The following PYGB variants were observed in gnomAD, a reference collection of about 807,000 sequenced individuals.
PYGB encodes the protein glycogen phosphorylase, brain form.
PYGB carries 82 observed loss-of-function variants against 94.3 expected under a neutral mutation model. The observed-to-expected ratio is 0.87, with a 90% CI of 0.73 to 1.04. The LOEUF is 1.04. PYGB is among the 50% of genes least tolerant of loss of function. The pLI, the probability that PYGB is intolerant of heterozygous loss-of-function variation, is 0.00. For synonymous variants in PYGB, 488 were observed against 479.1 expected (o/e 1.02, Z -0.24); for missense variants, 1,132 against 1,158.2 (o/e 0.98, Z 0.33).
chr20:25,269,816 CTG>C (rs1448518866), intron 3 of PYGB, among the ~76,000 whole-genome samples: 2 of 152,238 alleles, frequency 1.3e-5, no homozygotes, highest in African/African-American at 2.4e-5. Flanking sequence ...AAGCTGGAGA[CTG>C]TGGACTGCTC....
Position 25,292,518 on chromosome 20 carries a change from C to T in PYGB, c.2082C>T (p.Asp694=), listed in dbSNP as rs199972111. The part of the protein sequence containing the change: ...LNGALTIGTM[D]GANVEMAEEA... ...GGGCCCTCACCATCGGCACCATGGACGGCGCCAACGTGGAGATGGCCGAGG... is the reference window on the plus strand; with the variant it reads ...GGGCCCTCACCATCGGCACCATGGATGGCGCCAACGTGGAGATGGCCGAGG... Residue 694 remains aspartate, a synonymous_variant, in exon 17 of 20, where the codon GAC becomes GAT. Coordinates refer to ENST00000216962, the MANE Select transcript of PYGB (RefSeq NM_002862.4). The T allele has an allele frequency of 1.4e-5, 23 of 1,613,488 alleles. No individual in the cohort carries two copies. The highest frequency in any genetic ancestry group is 4.4e-5 in the South Asian group (4 of 91,092).
chr20:25,288,614 C>T (rs1217317897), intron 15 of PYGB, 131 bp downstream of exon 15: 2 of 1,049,538 alleles, frequency 1.9e-6, no homozygotes, highest in Non-Finnish European at 2.8e-6. Context: ...ACCGGCCCCT[C>T]TGGTATGCCT....
At position 25,259,145 on chromosome 20, in the gene PYGB, G is replaced by T. The variant is rs8118763; in HGVS notation, c.244-92G>T. The T allele has an allele frequency of 0.017, 18,856 of 1,134,184 alleles. 1,605 individuals carry two copies. In the African/African-American group the frequency reaches 0.22, roughly 13 times the overall value. 70.3% of individuals were successfully genotyped at this position (1,134,184 alleles called of 1,614,324 possible). On this transcript the variant is annotated intron_variant, in intron 1 of 19. Coordinates refer to ENST00000216962, the MANE Select transcript of PYGB (RefSeq NM_002862.4). ...GGTTGACATAAATGAAATCCCGAGT[G>T]GGGGCTTGGCTTCATGGGTCGTGTC...
At chr20:25,253,576 A>G (rs2092894392) in intron 1 of PYGB, among the ~76,000 whole-genome samples, 2 of 152,006 alleles carry the variant, frequency 1.3e-5, no homozygotes, top group South Asian at 2.1e-4. Flanking sequence ...TGCTTGAACC[A>G]GGGAGCCAAG....
chr20:25,296,480 C>G lies in PYGB; in HGVS notation c.2490C>G (p.Pro830=). 5 of 1,613,858 alleles carry G rather than the reference C, an allele frequency of 3.1e-6. No homozygotes were observed. The highest frequency in any genetic ancestry group is 4.2e-6 in the Non-Finnish European group (5 of 1,180,014). Residue 830 remains proline, a synonymous_variant, in exon 20 of 20, where the codon CCC becomes CCG. Transcript: ENST00000216962. ...CACGGGAGATCTGGGGTGTGGAGCC[C>G]TCCGACCTGCAGATCCCGCCCCCCA... ...EYAREIWGVE[P]SDLQIPPPNI...
intron 3 of PYGB, among the ~76,000 whole-genome samples, chr20:25,270,837 T>C (rs566839422): frequency 1.8e-4 from 27 of 152,370 alleles, no homozygotes; most frequent in African/African-American, 6.5e-4. Flanking sequence ...TGTTTTTCTT[T>C]CAAGACGTTT....
At chr20:25,261,368 AG>A (rs1346392561) in intron 2 of PYGB, among the ~76,000 whole-genome samples, 1 of 152,236 alleles carries the variant, frequency 6.6e-6, no homozygotes, top group Non-Finnish European at 1.5e-5. Context: ...CCAGGCAAAC[AG>A]GGTCTGGAGT....
At chr20:25,270,061 G>A (rs1007687980) in intron 3 of PYGB, among the ~76,000 whole-genome samples, 1 of 152,130 alleles carries the variant, frequency 6.6e-6, no homozygotes, top group East Asian at 1.9e-4. Flanking sequence ...AAGAGTCCGC[G>A]AGGCTCCATC....
Position 25,284,260 on chromosome 20 carries a change from C to T in PYGB, c.1768+9C>T, listed in dbSNP as rs1241556015. The T allele has an allele frequency of 1.2e-5, 19 of 1,611,512 alleles. No homozygotes were observed. The highest frequency in any genetic ancestry group is 1.7e-5 in the Admixed American group (1 of 59,918). On this transcript the variant is annotated intron_variant, in intron 14 of 19. Transcript: ENST00000216962. The stretch of plus-strand genomic sequence containing the variant: ...CGTCACCCTGTACAATCGTGAGTGC[C>T]GGCATCACCTGCATGACCGCGCTGT...
At chr20:25,277,349 C>T in intron 7 of PYGB, 23 bp downstream of exon 7, 1 of 1,526,518 alleles carries the variant, frequency 6.6e-7, no homozygotes, top group Non-Finnish European at 9.1e-7. Context: ...CCTGGGCACT[C>T]TTGCTCAGGC....
chr20:25,294,793 A>G (rs1160655752), intron 18 of PYGB: 2 of 708,726 alleles, frequency 2.8e-6, no homozygotes, highest in East Asian at 2.6e-5. Context: ...AGCACATGGT[A>G]TGGTTTATCT....
At chr20:25,254,004 G>A (rs566195347) in intron 1 of PYGB, among the ~76,000 whole-genome samples, 5 of 151,788 alleles carry the variant, frequency 3.3e-5, no homozygotes, top group African/African-American at 4.8e-5. Flanking sequence ...CCTGGGAGGA[G>A]CAGGTTGCAG....
At chr20:25,287,109 G>A (rs977944679) in intron 14 of PYGB, among the ~76,000 whole-genome samples, 7 of 152,198 alleles carry the variant, frequency 4.6e-5, no homozygotes, top group South Asian at 2.1e-4. Flanking sequence ...GGAACCTCCC[G>A]TGAAATCTGC....
rs202175497 is a variant in PYGB, at chr20:25,296,756, C to G, written c.*234C>G. 5.2e-5 allele frequency: 29 copies of G among 557,562 alleles called. No individual in the cohort carries two copies. Among genetic ancestry groups the G allele is most frequent in the Non-Finnish European group, 7.6e-5 (25 of 326,848 alleles). The allele number at this position is 557,562 out of a possible 1,614,324, so 34.5% of individuals were successfully genotyped here. A position where few individuals can be genotyped will look rare whatever the true frequency, so the allele number is the denominator to read the frequency against. ...AGCCAGAGTTGACAGTACAAAGGGT[C>G]GTGGCCAGCCCTGCAGCTTCAGCAC... On this transcript the variant is annotated 3_prime_UTR_variant, in exon 20 of 20. Transcript: ENST00000216962.
Position 25,277,308 on chromosome 20 carries a change from C to A in PYGB, c.837C>A (p.Val279=). The A allele has an allele frequency of 6.4e-7, 1 of 1,571,842 alleles. No individual in the cohort carries two copies. The highest frequency in any genetic ancestry group is 8.8e-7 in the Non-Finnish European group (1 of 1,141,600). Residue 279 remains valine (V), a synonymous_variant, in exon 7 of 20, where the codon GTC becomes GTA. Transcript: ENST00000216962. The part of the protein sequence containing the change: ...DRNLAENISR[V]LYPNDNFFEG... ...ACTTGGCTGAGAACATCTCCAGGGT[C>A]CTGTATCCAAATGATAACGTGAGTA...
intron 9 of PYGB, 146 bp from the exon 10 acceptor site, chr20:25,280,120 C>A: frequency 2.1e-6 from 2 of 958,038 alleles, no homozygotes; most frequent in Non-Finnish European, 3.1e-6. Flanking sequence ...GGCTCCAGAT[C>A]CACCTTGGAG....
chr20:25,277,338 G>T lies in PYGB; in HGVS notation c.855+12G>T, dbSNP rs998801681. ...ATCCAAATGATAACGTGAGTAGCTG[G>T]CCTGGGCACTCTTGCTCAGGCCGTA... On this transcript the variant is annotated intron_variant, in intron 7 of 19. Coordinates refer to ENST00000216962, the MANE Select transcript of PYGB (RefSeq NM_002862.4). 12 of 1,542,958 alleles carry T rather than the reference G, an allele frequency of 7.8e-6. No homozygotes were observed. The highest frequency in any genetic ancestry group is 4.1e-5 in the African/African-American group (3 of 73,184).
At chr20:25,281,447 T>TTGG (rs1034260926) in intron 11 of PYGB, among the ~76,000 whole-genome samples, 3 of 152,224 alleles carry the variant, frequency 2.0e-5, no homozygotes, top group Non-Finnish European at 2.9e-5. Context: ...CTGGCAGGGC[T>TTGG]TGGACAGGGC....
At chr20:25,258,566 T>C (rs542642231) in intron 1 of PYGB, among the ~76,000 whole-genome samples, 1 of 152,312 alleles carries the variant, frequency 6.6e-6, no homozygotes, top group East Asian at 1.9e-4. Context: ...TGAGAAGTAC[T>C]CGGTAGAGAA....
Sources: gnomAD v4.1 joint callset for allele counts (sites outside exome capture counted in the v4.1 genomes callset) on GRCh38, gnomAD v4.1.1 for gene constraint, MANE v1.5 for transcripts, NCBI Gene and HGNC (gene_info 2026-07-23, HGNC 2026-07-21) for gene names.